The following SMO variants were observed in gnomAD, a reference collection of about 807,000 sequenced individuals.
SMO encodes smoothened, frizzled class receptor.
Under a neutral mutation model 81.6 loss-of-function variants are expected in SMO, and 40 were observed. The observed-to-expected ratio is 0.49, with a 90% CI of 0.38 to 0.64. The LOEUF (loss-of-function observed/expected upper bound fraction) is 0.64, where lower values mean the gene tolerates loss of function less well. SMO is among the 30% of genes least tolerant of loss of function. SMO has a pLI of 0.00. For synonymous variants in SMO, 434 were observed against 432.1 expected (o/e 1.00, Z -0.05); for missense variants, 916 against 1,061.1 (o/e 0.86, Z 1.90).
chr7:129,197,057 C>T lies in SMO; in HGVS notation c.332-6327C>T, dbSNP rs1169055562. Among the ~76,000 whole-genome samples the T allele has an allele frequency of 6.1e-5, 9 of 148,130 alleles. No homozygotes were observed. In the East Asian group the frequency reaches 1.8e-3, roughly 29 times the overall value. ...AAAGAAATAAAATTGATGCCTTTAACATTTATTTCACTTTGTTGCTGATAT... is the reference window on the plus strand; with the variant it reads ...AAAGAAATAAAATTGATGCCTTTAATATTTATTTCACTTTGTTGCTGATAT... On this transcript the variant is annotated intron_variant, in intron 1 of 11. Coordinates refer to ENST00000249373, the MANE Select transcript of SMO (RefSeq NM_005631.5).
intron 1 of SMO, among the ~76,000 whole-genome samples, chr7:129,201,965 G>A (rs1257673772): frequency 6.6e-6 from 1 of 152,170 alleles, no homozygotes; most frequent in Non-Finnish European, 1.5e-5. Flanking sequence ...ACAGGTGTGA[G>A]CCACTGCGCC....
At position 129,205,118 on chromosome 7, in the gene SMO, G is replaced by A. The variant is rs1584661293; in HGVS notation, c.538-85G>A. The A allele has an allele frequency of 7.4e-6, 9 of 1,209,382 alleles. No homozygotes were observed. In the East Asian group the frequency reaches 2.1e-4, roughly 29 times the overall value. The allele number at this position is 1,209,382 out of a possible 1,614,324, so 74.9% of individuals were successfully genotyped here. A position where few individuals can be genotyped will look rare whatever the true frequency, so the allele number is the denominator to read the frequency against. ...CTGGAAGTGTATCTCCAGCCACCCT[G>A]CCATGCTACCTAGATACCTTTCCCT... is the stretch of plus-strand genomic sequence containing the variant. On this transcript the variant is annotated intron_variant, in intron 2 of 11. Coordinates refer to ENST00000249373, the MANE Select transcript of SMO (RefSeq NM_005631.5).
chr7:129,213,071 T>TCC lies in SMO; in HGVS notation c.*620_*621insCC. ...CTTTTGTTCTCCTATATCCTCCTTC[T>TCC]TCTGTTCCATTTCAGTTCAGTTTCA... On this transcript the variant is annotated 3_prime_UTR_variant, in exon 12 of 12. Transcript: ENST00000249373. The TCC allele has an allele frequency of 4.1e-6, 1 of 243,978 alleles. No homozygotes were observed. The highest frequency in any genetic ancestry group is 8.0e-6 in the Non-Finnish European group (1 of 125,176). 15.1% of individuals were successfully genotyped at this position (243,978 alleles called of 1,614,324 possible).
chr7:129,207,933 T>C (rs1233026981), intron 6 of SMO, among the ~76,000 whole-genome samples: 3 of 151,704 alleles, frequency 2.0e-5, no homozygotes, highest in African/African-American at 7.3e-5. Flanking sequence ...CAAGTCCAAA[T>C]TGAGATGTGT....
rs2150649435 is a variant in SMO at position 129,205,775 on chromosome 7, G to C, written c.913G>C (p.Glu305Gln). ...CRADGTMRLGEPTSNETLSCV... is the reference protein window; with the variant it reads ...CRADGTMRLGQPTSNETLSCV... ...TGCAGATGGCACCATGAGGCTTGGG[G>C]AGCCCACGTAGGTGTCTTGGGGACC... Residue 305 changes from glutamate to glutamine, a missense_variant, in exon 4 of 12, where the codon GAG becomes CAG. By Grantham distance (29) the Glu-to-Gln change is conservative (BLOSUM62 2). This residue lies in a region of SMO where 436 missense variants were observed against 570.9 expected (regional missense o/e 0.76). Coordinates refer to ENST00000249373, the MANE Select transcript of SMO (RefSeq NM_005631.5). 6.2e-7 allele frequency: 1 copy of C among 1,605,328 alleles called. No individual in the cohort carries two copies. Among genetic ancestry groups the C allele is most frequent in the South Asian group, 1.1e-5 (1 of 91,054 alleles).
chr7:129,191,620 G>C (rs986382107), intron 1 of SMO, among the ~76,000 whole-genome samples: 4 of 152,170 alleles, frequency 2.6e-5, no homozygotes, highest in Non-Finnish European at 4.4e-5. Context: ...TCACAGCCAG[G>C]TCAGCTGGTA....
intron 1 of SMO, among the ~76,000 whole-genome samples, chr7:129,197,387 A>G (rs967277523): frequency 6.6e-6 from 1 of 152,104 alleles, no homozygotes; most frequent in African/African-American, 2.4e-5. Flanking sequence ...TCTTATTTCA[A>G]ATTTGCCAAT....
At position 129,211,166 on chromosome 7, in the gene SMO, G is replaced by A. The variant is rs12674259; in HGVS notation, c.1801+53G>A. 3 of 1,553,422 alleles carry A rather than the reference G, an allele frequency of 1.9e-6. No homozygotes were observed. The highest frequency in any genetic ancestry group is 8.7e-7 in the Non-Finnish European group (1 of 1,145,226). On this transcript the variant is annotated intron_variant, in intron 10 of 11. Transcript: ENST00000249373. The surrounding 1 kb of genome is among the most constrained non-coding windows in gnomAD (Gnocchi z 4.6). ...CCGCCTGGCCCCGCGCTGCCCATGTGCTAGTCTCTCCCAGCCTGCTGGGGG... is the reference window on the plus strand; with the variant it reads ...CCGCCTGGCCCCGCGCTGCCCATGTACTAGTCTCTCCCAGCCTGCTGGGGG...
chr7:129,191,219 G>A (rs1382476807), intron 1 of SMO, among the ~76,000 whole-genome samples: 1 of 152,228 alleles, frequency 6.6e-6, no homozygotes, highest in Non-Finnish European at 1.5e-5. Context: ...TGTTGCCTCT[G>A]TGTAGTTACC....
At chr7:129,196,395 G>A (rs1358174867) in intron 1 of SMO, among the ~76,000 whole-genome samples, 1 of 151,188 alleles carries the variant, frequency 6.6e-6, no homozygotes, top group Non-Finnish European at 1.5e-5. Context: ...GTCCCGGCTG[G>A]TCTTGAACTC....
In SMO at chr7:129,206,876, G is replaced by T. The variant is rs997696917; in HGVS notation, c.1264+289G>T. Among the ~76,000 whole-genome samples the T allele has an allele frequency of 6.6e-6, 1 of 152,002 alleles. No homozygotes were observed. Reference sequence around the variant, plus strand: ...GTTTTTGTTTTTGAGACAGAGTCTAGCTCTGTTGCCCAGGCTGGAGTGCAG... The same window carrying T: ...GTTTTTGTTTTTGAGACAGAGTCTATCTCTGTTGCCCAGGCTGGAGTGCAG... On this transcript the variant is annotated intron_variant, in intron 6 of 11. Coordinates refer to ENST00000249373, the MANE Select transcript of SMO (RefSeq NM_005631.5). This position sits in a 1 kb window ranked among gnomAD's most constrained non-coding sequence, Gnocchi z 4.4.
At chr7:129,196,130 A>C (rs1584655537) in intron 1 of SMO, among the ~76,000 whole-genome samples, 2 of 151,738 alleles carry the variant, frequency 1.3e-5, no homozygotes, top group African/African-American at 4.8e-5. Context: ...GAAAAAAAAA[A>C]CAAAAAAAAA....
At position 129,212,742 on chromosome 7, in the gene SMO, G is replaced by T. The variant is rs923785408; in HGVS notation, c.*291G>T. On this transcript the variant is annotated 3_prime_UTR_variant, in exon 12 of 12. Transcript: ENST00000249373. The surrounding 1 kb of genome is among the most constrained non-coding windows in gnomAD (Gnocchi z 5.0). ...AGCATCTGCTCCATCGGGGCAGGGG[G>T]TATGCAGAGCTTGTGGTGGGGCAGG... The T allele has an allele frequency of 2.1e-6, 1 of 476,276 alleles. No individual in the cohort carries two copies. The highest frequency in any genetic ancestry group is 3.7e-6 in the Non-Finnish European group (1 of 266,906). The allele number at this position is 476,276 out of a possible 1,614,324, so 29.5% of individuals were successfully genotyped here. A position where few individuals can be genotyped will look rare whatever the true frequency, so the allele number is the denominator to read the frequency against.
Position 129,211,998 on chromosome 7 carries a change from G to A in SMO, c.1937-26G>A, listed in dbSNP as rs1265479313. ...GGCATGGACAGAGCCAGGGCCCCAG[G>A]CTCGTGTTGTCTCTCCTCCTGTCAG... On this transcript the variant is annotated intron_variant, in intron 11 of 11. Transcript: ENST00000249373. This position sits in a 1 kb window ranked among gnomAD's most constrained non-coding sequence, Gnocchi z 4.6. 3 of 1,557,982 alleles carry A rather than the reference G, an allele frequency of 1.9e-6. No homozygotes were observed. Among genetic ancestry groups the A allele is most frequent in the Non-Finnish European group, 2.6e-6 (3 of 1,158,876 alleles).
At chr7:129,197,661 T>C (rs2150643550) in intron 1 of SMO, among the ~76,000 whole-genome samples, 1 of 152,278 alleles carries the variant, frequency 6.6e-6, no homozygotes, top group Middle Eastern at 3.4e-3. Flanking sequence ...GACCGTGTGA[T>C]CCGCCCGCCT....
intron 1 of SMO, among the ~76,000 whole-genome samples, chr7:129,196,666 G>T (rs1347628955): frequency 1.3e-5 from 2 of 151,948 alleles, no homozygotes; most frequent in Non-Finnish European, 2.9e-5. Flanking sequence ...TGATATTTTT[G>T]ATGCTGTTGT....
At position 129,206,668 on chromosome 7, in the gene SMO, G is replaced by A. The variant is rs976255506; in HGVS notation, c.1264+81G>A. 23 of 1,497,590 alleles carry A rather than the reference G, an allele frequency of 1.5e-5. No homozygotes were observed. Among genetic ancestry groups the A allele is most frequent in the South Asian group, 4.9e-5 (4 of 81,474 alleles). The allele number at this position is 1,497,590 out of a possible 1,614,324, so 92.8% of individuals were successfully genotyped here. ...TGCCAGTACTGGGAGCTGCCAGCAC[G>A]GCTGCCCCCATGCTGAAACCCCAGC... On this transcript the variant is annotated intron_variant, in intron 6 of 11. Coordinates refer to ENST00000249373, the MANE Select transcript of SMO (RefSeq NM_005631.5). The surrounding 1 kb of genome is among the most constrained non-coding windows in gnomAD (Gnocchi z 4.4).
At chr7:129,203,980 T>A (rs1355333063) in intron 2 of SMO, among the ~76,000 whole-genome samples, 1 of 150,758 alleles carries the variant, frequency 6.6e-6, no homozygotes, top group East Asian at 1.9e-4. Flanking sequence ...GCAGGAGAGG[T>A]CTTCAATGAA....
chr7:129,208,966 G>A lies in SMO; in HGVS notation c.1357+115G>A, dbSNP rs1793818696. ...GTCAGTGGGACAAGTTAGCCATAGG[G>A]ACAAGGACAAGGGGTGTGTGTAGGT... is the stretch of plus-strand genomic sequence containing the variant. On this transcript the variant is annotated intron_variant, in intron 7 of 11. Transcript: ENST00000249373. The surrounding 1 kb of genome is among the most constrained non-coding windows in gnomAD (Gnocchi z 5.2). The A allele has an allele frequency of 5.6e-6, 4 of 720,130 alleles. No individual in the cohort carries two copies. In the East Asian group the frequency reaches 1.1e-4, roughly 19 times the overall value. The allele number at this position is 720,130 out of a possible 1,614,324, so 44.6% of individuals were successfully genotyped here. A position where few individuals can be genotyped will look rare whatever the true frequency, so the allele number is the denominator to read the frequency against.
Sources: gnomAD v4.1 joint callset for allele counts (sites outside exome capture counted in the v4.1 genomes callset) on GRCh38, gnomAD v4.1.1 for gene constraint, gnomAD v4.1.1 regional missense constraint, Gnocchi (gnomAD v3.1) non-coding constraint, MANE v1.5 for transcripts, NCBI Gene and HGNC (gene_info 2026-07-23, HGNC 2026-07-21) for gene names.